NDUFAF2: variants seen among roughly 807,000 people sequenced by gnomAD.
NDUFAF2 encodes NADH:ubiquinone oxidoreductase complex assembly factor 2.
NDUFAF2 carries 13 observed loss-of-function variants against 22.8 expected under a neutral mutation model. The ratio of observed to expected loss-of-function variants is 0.57; its 90% CI spans 0.37 to 0.91. The LOEUF (loss-of-function observed/expected upper bound fraction) is 0.91. Ranked by LOEUF, NDUFAF2 falls within the 40% of genes least tolerant of loss-of-function variation. The pLI is 0.01. For synonymous variants in NDUFAF2, 53 were observed against 64.2 expected (o/e 0.83, Z 0.84); for missense variants, 162 against 195.2 (o/e 0.83, Z 1.01).
At chr5:60,990,275 A>T (rs1417205559) in intron 1 of NDUFAF2, among the ~76,000 whole-genome samples, 3 of 152,176 alleles carry the variant, frequency 2.0e-5, no homozygotes, top group African/African-American at 7.2e-5. Context: ...TACTTTTCAC[A>T]ATAACTAAAA....
intron 1 of NDUFAF2, among the ~76,000 whole-genome samples, chr5:61,041,158 G>A (rs942842993): frequency 3.3e-5 from 5 of 152,058 alleles, no homozygotes; most frequent in Admixed American, 6.5e-5. Context: ...TAACATCTAA[G>A]AGGATATATA....
chr5:61,114,753 A>G (rs545994678), intron 3 of NDUFAF2: 12 of 151,752 alleles, frequency 7.9e-5, no homozygotes, highest in Non-Finnish European at 1.5e-4. Context: ...TATCTGCATT[A>G]GTGGGGACTC....
At position 61,073,125 on chromosome 5, in the gene NDUFAF2, GAC is replaced by G. The variant is rs1752321639; in HGVS notation, c.130_131del (p.Gln44AsnfsTer13). The G allele has an allele frequency of 2.5e-6, 4 of 1,602,160 alleles. No homozygotes were observed. The highest frequency in any genetic ancestry group is 2.6e-6 in the Non-Finnish European group (3 of 1,169,882). The stretch of plus-strand genomic sequence containing the variant: ...TGTATTAATGACTTTTGTCTTATAG[GAC>G]AAACTATTCGAGAGAAAAGAATTGT... On this transcript the variant is annotated frameshift_variant and splice_region_variant, in exon 2 of 4. Transcript: ENST00000296597. LOFTEE classifies it high-confidence loss of function.
chr5:61,012,092 CTGTTTTGTTT>C (rs528706835), intron 1 of NDUFAF2, among the ~76,000 whole-genome samples: 1 of 152,084 alleles, frequency 6.6e-6, no homozygotes, highest in South Asian at 2.1e-4. Flanking sequence ...ACCATTCACA[CTGTTTTGTTT>C]TGTTTTGTTT....
chr5:61,033,590 A>G (rs1423475241), intron 1 of NDUFAF2, among the ~76,000 whole-genome samples: 1 of 152,156 alleles, frequency 6.6e-6, no homozygotes, highest in Non-Finnish European at 1.5e-5. Context: ...AGTTTATGAT[A>G]AGATTGAAAA....
chr5:61,040,300 G>GCGCGCGCT lies in NDUFAF2; in HGVS notation c.128-32823_128-32822insCGCGCTCG, dbSNP rs1276666903. ...CACACACACACACGCGCGCGCGCGC[G>GCGCGCGCT]CGAAAGTTGAAAGCAGAGATTGGAG... On this transcript the variant is annotated intron_variant, in intron 1 of 3. Coordinates refer to ENST00000296597, the MANE Select transcript of NDUFAF2 (RefSeq NM_174889.5). 3.6e-3 allele frequency among the ~76,000 whole-genome samples: 538 copies of GCGCGCGCT among 149,162 alleles called. 2 individuals are homozygous for GCGCGCGCT. The highest frequency in any genetic ancestry group is 6.1e-3 in the Non-Finnish European group (412 of 67,362).
In NDUFAF2 at chr5:61,020,964, G is replaced by A. The variant is rs62367889; in HGVS notation, c.128-52161G>A. Among the ~76,000 whole-genome samples, 84 of 150,058 alleles carry A rather than the reference G, an allele frequency of 5.6e-4. 2 individuals carry two copies. In the South Asian group the frequency reaches 0.012, roughly 21 times the overall value. ...CTGCCTCGGCCTCCCAGACTGCTGGGATTACAGGCATGAGCCACTGCGTCC... is the reference window on the plus strand; with the variant it reads ...CTGCCTCGGCCTCCCAGACTGCTGGAATTACAGGCATGAGCCACTGCGTCC... On this transcript the variant is annotated intron_variant, in intron 1 of 3. Transcript: ENST00000296597.
chr5:60,992,555 T>C (rs955196779), intron 1 of NDUFAF2, among the ~76,000 whole-genome samples: 1 of 152,202 alleles, frequency 6.6e-6, no homozygotes, highest in Admixed American at 6.5e-5. Context: ...TTTATCGTTT[T>C]GTCTTTCTAC....
At chr5:61,083,483 G>A (rs939856952) in intron 2 of NDUFAF2, among the ~76,000 whole-genome samples, 2 of 152,090 alleles carry the variant, frequency 1.3e-5, no homozygotes, top group African/African-American at 4.8e-5. Flanking sequence ...AGCCTCATGA[G>A]TAGCTGGATT....
chr5:61,113,862 T>C (rs1752875578), intron 3 of NDUFAF2, among the ~76,000 whole-genome samples: 1 of 152,096 alleles, frequency 6.6e-6, no homozygotes, highest in Non-Finnish European at 1.5e-5. Flanking sequence ...TGCCACTCTC[T>C]CCTGGCACAT....
rs775319993 is a variant in NDUFAF2 at position 60,993,915 on chromosome 5, G to C, written c.127+48533G>C. ...CATAAATTCCCTCTCTGGTCTGCAA[G>C]ACTGGCAGCCTGGCCTCCTGCCTTT... is the stretch of plus-strand genomic sequence containing the variant. On this transcript the variant is annotated intron_variant, in intron 1 of 3. Transcript: ENST00000296597. Among the ~76,000 whole-genome samples the C allele has an allele frequency of 1.3e-5, 2 of 152,240 alleles. 1 individual carries two copies. Among genetic ancestry groups the C allele is most frequent in the South Asian group, 4.1e-4 (2 of 4,838 alleles).
intron 1 of NDUFAF2, among the ~76,000 whole-genome samples, chr5:61,006,217 G>C (rs1167771320): frequency 6.6e-6 from 1 of 152,064 alleles, no homozygotes; most frequent in South Asian, 2.1e-4. Flanking sequence ...CCCATTTCTT[G>C]TTTTTATCAG....
intron 1 of NDUFAF2, among the ~76,000 whole-genome samples, chr5:61,019,508 TA>T (rs1184374786): frequency 6.6e-6 from 1 of 152,058 alleles, no homozygotes; most frequent in African/African-American, 2.4e-5. Context: ...AATATTCTTT[TA>T]AAAAATGCAG....
chr5:61,088,548 G>A (rs1752531610), intron 2 of NDUFAF2, among the ~76,000 whole-genome samples: 4 of 152,048 alleles, frequency 2.6e-5, no homozygotes, highest in Admixed American at 2.6e-4. Context: ...AAATATTTTT[G>A]TTAGAAGTTG....
At position 61,050,520 on chromosome 5, in the gene NDUFAF2, T is replaced by C. The variant is rs924320704; in HGVS notation, c.128-22605T>C. 2.0e-4 allele frequency: 31 copies of C among 151,830 alleles called. 1 individual carries two copies. Among genetic ancestry groups the C allele is most frequent in the African/African-American group, 7.2e-4 (30 of 41,390 alleles). 9.4% of individuals were successfully genotyped at this position (151,830 alleles called of 1,614,324 possible). A position where few individuals can be genotyped will look rare whatever the true frequency, so the allele number is the denominator to read the frequency against. On this transcript the variant is annotated intron_variant, in intron 1 of 3. Coordinates refer to ENST00000296597, the MANE Select transcript of NDUFAF2 (RefSeq NM_174889.5). ...TGGCTTGGAACTGGCCAAAACAAAA[T>C]CCAGCAAGATCTCTTTGAAGGTGGT...
chr5:61,002,157 T>G (rs1193834862), intron 1 of NDUFAF2, among the ~76,000 whole-genome samples: 1 of 152,142 alleles, frequency 6.6e-6, no homozygotes, highest in Non-Finnish European at 1.5e-5. Context: ...ACTCAACTCT[T>G]TCCTTAGTTC....
intron 1 of NDUFAF2, among the ~76,000 whole-genome samples, chr5:60,962,149 C>T (rs1317528461): frequency 6.6e-6 from 1 of 151,318 alleles, no homozygotes; most frequent in Non-Finnish European, 1.5e-5. Context: ...ACATATCTTT[C>T]ACCTCACATA....
intron 1 of NDUFAF2, among the ~76,000 whole-genome samples, chr5:60,979,316 A>G (rs1019476663): frequency 1.3e-5 from 2 of 152,158 alleles, no homozygotes; most frequent in Non-Finnish European, 2.9e-5. Flanking sequence ...CAGCTTGTGT[A>G]ACAGCTCAGC....
At chr5:61,064,516 A>G (rs1752205526) in intron 1 of NDUFAF2, among the ~76,000 whole-genome samples, 1 of 152,098 alleles carries the variant, frequency 6.6e-6, no homozygotes, top group Admixed American at 6.6e-5. Context: ...AAGAAGATTG[A>G]CCATATATCT....
Sources: allele counts gnomAD v4.1 joint callset (sites outside exome capture counted in the v4.1 genomes callset), GRCh38; gene constraint gnomAD v4.1.1; transcripts MANE v1.5; gene names NCBI Gene and HGNC (gene_info 2026-07-23, HGNC 2026-07-21).